TNFSF8: variants seen among roughly 807,000 people sequenced by gnomAD.
TNFSF8 encodes TNF superfamily member 8.
Under a neutral mutation model 22.0 loss-of-function variants are expected in TNFSF8, and 4 were observed. That is an observed-to-expected ratio of 0.18 (90% CI 0.09 to 0.42). The LOEUF is 0.42. Ranked by LOEUF, TNFSF8 falls within the 10% of genes least tolerant of loss-of-function variation. TNFSF8 has a pLI of 1.00. For missense variants in TNFSF8, 233 were observed against 281.8 expected (o/e 0.83, Z 1.24); for synonymous variants, 106 against 112.5 (o/e 0.94, Z 0.37).
At chr9:114,922,013 C>T (rs1254689875) in intron 1 of TNFSF8, among the ~76,000 whole-genome samples, 3 of 152,182 alleles carry the variant, frequency 2.0e-5, no homozygotes, top group Admixed American at 6.5e-5. Flanking sequence ...TCTTCCTTGC[C>T]TTGGAGTGTT....
intron 1 of TNFSF8, among the ~76,000 whole-genome samples, chr9:114,923,803 C>G (rs1402730077): frequency 6.6e-6 from 1 of 152,096 alleles, no homozygotes; most frequent in Non-Finnish European, 1.5e-5. Context: ...CAGGCATGAG[C>G]CACTGCTCCT....
Position 114,903,822 on chromosome 9 carries a change from C to T in TNFSF8, c.*109G>A, listed in dbSNP as rs1827748814. On this transcript the variant is annotated 3_prime_UTR_variant, in exon 4 of 4. Coordinates refer to ENST00000223795, the MANE Select transcript of TNFSF8 (RefSeq NM_001244.4). ...GAAGGAGAAGTATACTATTTAATAC[C>T]CTGTGTAGTTTGTCTTGGTCTAAAG... is the stretch of plus-strand genomic sequence containing the variant. 6.6e-7 allele frequency: 1 copy of T among 1,505,204 alleles called. No individual in the cohort carries two copies. Among genetic ancestry groups the T allele is most frequent in the Non-Finnish European group, 8.8e-7 (1 of 1,134,788 alleles). The allele number at this position is 1,505,204 out of a possible 1,614,324, so 93.2% of individuals were successfully genotyped here.
chr9:114,913,180 T>C (rs1023839112), intron 2 of TNFSF8, among the ~76,000 whole-genome samples: 1 of 152,200 alleles, frequency 6.6e-6, no homozygotes, highest in Non-Finnish European at 1.5e-5. Flanking sequence ...GGCTACAGAC[T>C]GAATTCAGGC....
At chr9:114,910,863 G>A (rs529222917) in intron 2 of TNFSF8, among the ~76,000 whole-genome samples, 8 of 152,250 alleles carry the variant, frequency 5.3e-5, no homozygotes, top group Admixed American at 6.5e-5. Flanking sequence ...ACGATGCATC[G>A]CAAAAAGAGC....
At chr9:114,911,097 T>C (rs1293778133) in intron 2 of TNFSF8, among the ~76,000 whole-genome samples, 1 of 152,236 alleles carries the variant, frequency 6.6e-6, no homozygotes, top group African/African-American at 2.4e-5. Flanking sequence ...TTCTTTGTTG[T>C]TATAGTGGCA....
intron 1 of TNFSF8, 98 bp from the exon 2 acceptor site, chr9:114,918,236 C>A (rs1827944407): frequency 3.0e-6 from 3 of 986,194 alleles, no homozygotes; most frequent in East Asian, 2.9e-5. Context: ...AAGTACTGTG[C>A]AATTTACAAT....
At chr9:114,924,608 G>A (rs751462268) in intron 1 of TNFSF8, among the ~76,000 whole-genome samples, 2 of 152,086 alleles carry the variant, frequency 1.3e-5, no homozygotes, top group East Asian at 3.8e-4. Context: ...GGTTATATTA[G>A]CATTTGCCAT....
At chr9:114,914,682 G>T (rs1225623531) in intron 2 of TNFSF8, among the ~76,000 whole-genome samples, 1 of 152,128 alleles carries the variant, frequency 6.6e-6, no homozygotes, top group African/African-American at 2.4e-5. Context: ...CATCCTCATG[G>T]TGGCTTCATG....
downstream of TNFSF8, among the ~76,000 whole-genome samples, chr9:114,899,826 G>A (rs945102473): frequency 6.6e-6 from 1 of 152,298 alleles, no homozygotes; most frequent in South Asian, 2.1e-4. Flanking sequence ...TCCAGGTCAT[G>A]AGCTCTGATC....
chr9:114,917,300 T>C (rs1240639625), intron 2 of TNFSF8, among the ~76,000 whole-genome samples: 1 of 152,170 alleles, frequency 6.6e-6, no homozygotes, highest in Non-Finnish European at 1.5e-5. Flanking sequence ...GAGATGGGAG[T>C]TGGTGTTCTT....
At chr9:114,894,846 T>C (rs977263855) in intron 4 of TNFSF8, among the ~76,000 whole-genome samples, 3 of 152,144 alleles carry the variant, frequency 2.0e-5, no homozygotes, top group African/African-American at 4.8e-5. Context: ...ATGAATGTAA[T>C]GTTGGTGGTA....
At chr9:114,929,386 C>G (rs893573098) in intron 1 of TNFSF8, among the ~76,000 whole-genome samples, 1 of 146,894 alleles carries the variant, frequency 6.8e-6, no homozygotes, top group Non-Finnish European at 1.5e-5. Flanking sequence ...GACGCCCTAA[C>G]TTCTTCAAAG....
In TNFSF8 at chr9:114,904,066, G is replaced by A. The variant is rs751842228; in HGVS notation, c.570C>T (p.Leu190=). ...GCAGGTAATCCAGCAAGAATTGAGA[G>A]AGATTCTGGTATACGTGTTTCGTTT... ...GMQTKHVYQN[L]SQFLLDYLQV... The change falls in exon 4 of 4, where the codon CTC becomes CTT. Residue 190 remains leucine (L), a synonymous_variant. Transcript: ENST00000223795. 4 of 1,614,168 alleles carry A rather than the reference G, an allele frequency of 2.5e-6. No individual in the cohort carries two copies. The highest frequency in any genetic ancestry group is 1.1e-5 in the South Asian group (1 of 91,088).
At position 114,904,242 on chromosome 9, in the gene TNFSF8, C is replaced by A; in HGVS notation, c.394G>T (p.Val132Leu). Residue 132 changes from valine (V) to leucine (L), a missense_variant, in exon 4 of 4, where the codon GTG (valine) becomes TTG (leucine). Transcript: ENST00000223795. Reference sequence around the variant, plus strand: ...AAGTACAAACCAGGGAATTGGATCACCAGATTCCCATCCTGATATCTGACT... The same window carrying A: ...AAGTACAAACCAGGGAATTGGATCAACAGATTCCCATCCTGATATCTGACT... ...HGVRYQDGNL[V>L]IQFPGLYFII... The A allele has an allele frequency of 6.2e-7, 1 of 1,614,098 alleles. No individual in the cohort carries two copies. Among genetic ancestry groups the A allele is most frequent in the South Asian group, 1.1e-5 (1 of 91,082 alleles).
intron 2 of TNFSF8, among the ~76,000 whole-genome samples, chr9:114,907,559 G>A (rs1442895808): frequency 1.3e-5 from 2 of 152,120 alleles, no homozygotes; most frequent in Non-Finnish European, 2.9e-5. Flanking sequence ...TCGCCTGCAG[G>A]ATCAGGCCCA....
chr9:114,905,693 C>A (rs978885715), intron 3 of TNFSF8, 135 bp downstream of exon 3: 2 of 730,570 alleles, frequency 2.7e-6, no homozygotes, highest in Non-Finnish European at 4.9e-6. Context: ...AAAAAATTTC[C>A]TGCAGACTAA....
chr9:114,905,003 A>T (rs535510549), intron 3 of TNFSF8, among the ~76,000 whole-genome samples: 1 of 152,272 alleles, frequency 6.6e-6, no homozygotes, highest in South Asian at 2.1e-4. Context: ...TCTGGGATTT[A>T]TTGAAAAGCA....
chr9:114,916,286 T>A (rs1431518316), intron 2 of TNFSF8, among the ~76,000 whole-genome samples: 8 of 152,196 alleles, frequency 5.3e-5, no homozygotes, highest in Admixed American at 3.9e-4. Context: ...TCCTTATTTT[T>A]TGTACTTCAC....
rs776321851 is a variant in TNFSF8, at chr9:114,908,575, G to A, written c.239-2676C>T. ...GCAAGCCCAGGCTTGCCTCTCACAC[G>A]TTCTGGTTCTTTTGTTGTTTTTTCC... is the stretch of plus-strand genomic sequence containing the variant. On this transcript the variant is annotated intron_variant, in intron 2 of 3. Coordinates refer to ENST00000223795, the MANE Select transcript of TNFSF8 (RefSeq NM_001244.4). Among the ~76,000 whole-genome samples the A allele has an allele frequency of 2.1e-4, 32 of 151,970 alleles. 1 individual carries two copies. The highest frequency in any genetic ancestry group is 1.3e-3 in the Admixed American group (20 of 15,264).
Sources: gnomAD v4.1 joint callset for allele counts (sites outside exome capture counted in the v4.1 genomes callset) on GRCh38, gnomAD v4.1.1 for gene constraint, MANE v1.5 for transcripts, NCBI Gene and HGNC (gene_info 2026-07-23, HGNC 2026-07-21) for gene names.